SLC9A9: variants seen among roughly 807,000 people sequenced by gnomAD.
SLC9A9 encodes sodium/hydrogen exchanger 9.
In SLC9A9, 62 loss-of-function variants were observed where a neutral mutation model predicts 77.8. The ratio of observed to expected loss-of-function variants is 0.80; its 90% CI spans 0.65 to 0.98. The LOEUF (loss-of-function observed/expected upper bound fraction) is 0.98, where lower values mean the gene tolerates loss of function less well. Among genes scored for constraint, SLC9A9 ranks in the 50% least tolerant of loss-of-function variants. SLC9A9 has a pLI of 0.00. For missense variants in SLC9A9, 775 were observed against 774.9 expected (o/e 1.00, Z 0.00); for synonymous variants, 320 against 283.5 (o/e 1.13, Z -1.29).
At chr3:143,413,170 G>A (rs565182655) in intron 12 of SLC9A9, among the ~76,000 whole-genome samples, 2 of 152,298 alleles carry the variant, frequency 1.3e-5, no homozygotes, top group African/African-American at 4.8e-5. Context: ...TTCATGGAGT[G>A]CCTCCTTCTC....
intron 12 of SLC9A9, among the ~76,000 whole-genome samples, chr3:143,392,252 T>C (rs1278929731): frequency 1.3e-5 from 2 of 152,136 alleles, no homozygotes; most frequent in Non-Finnish European, 2.9e-5. Flanking sequence ...CAGCTGATGT[T>C]TCAGCAGAAA....
chr3:143,841,277 T>A (rs2009699931), intron 1 of SLC9A9, among the ~76,000 whole-genome samples: 1 of 152,168 alleles, frequency 6.6e-6, no homozygotes, highest in Non-Finnish European at 1.5e-5. Context: ...CTGCTAAGGT[T>A]TGAGACCTAG....
At chr3:143,518,193 C>T in intron 9 of SLC9A9, 1 of 1,599,026 alleles carries the variant, frequency 6.3e-7, no homozygotes, top group Non-Finnish European at 8.5e-7. Context: ...CACATTTTCA[C>T]AAAGGCCCGA....
intron 9 of SLC9A9, among the ~76,000 whole-genome samples, chr3:143,528,354 G>A (rs995353576): frequency 1.3e-5 from 2 of 152,202 alleles, no homozygotes; most frequent in African/African-American, 2.4e-5. Context: ...TCAGTTGTCT[G>A]TACATGATAG....
intron 8 of SLC9A9, among the ~76,000 whole-genome samples, chr3:143,557,084 T>G (rs1463845044): frequency 6.6e-6 from 1 of 152,104 alleles, no homozygotes; most frequent in Non-Finnish European, 1.5e-5. Flanking sequence ...AGGAACCCAG[T>G]GGGAAGTGAT....
At chr3:143,509,064 T>G (rs2036073129) in intron 9 of SLC9A9, among the ~76,000 whole-genome samples, 1 of 152,212 alleles carries the variant, frequency 6.6e-6, no homozygotes, top group Admixed American at 6.5e-5. Context: ...TGAATTCAAT[T>G]TCTGATCTAT....
chr3:143,613,798 AT>A (rs544115568), intron 6 of SLC9A9, among the ~76,000 whole-genome samples: 3 of 151,688 alleles, frequency 2.0e-5, no homozygotes, highest in Admixed American at 6.6e-5. Flanking sequence ...AATAATTATA[AT>A]TTTTTATTCC....
intron 4 of SLC9A9, among the ~76,000 whole-genome samples, chr3:143,748,998 C>A (rs1257142511): frequency 6.6e-5 from 10 of 152,162 alleles, no homozygotes; most frequent in African/African-American, 2.4e-4. Flanking sequence ...CCACCGCGCC[C>A]GGCCTGACCA....
At chr3:143,778,251 A>G (rs2007761862) in intron 4 of SLC9A9, among the ~76,000 whole-genome samples, 1 of 152,132 alleles carries the variant, frequency 6.6e-6, no homozygotes, top group Non-Finnish European at 1.5e-5. Flanking sequence ...TATCAGTAAG[A>G]TTGTACTAAT....
At chr3:143,565,872 G>C (rs916501883) in intron 8 of SLC9A9, among the ~76,000 whole-genome samples, 3 of 152,130 alleles carry the variant, frequency 2.0e-5, no homozygotes, top group Admixed American at 6.6e-5. Context: ...AAACTGGCCA[G>C]ATTTGTTTTG....
At chr3:143,414,655 G>A (rs2034159140) in intron 12 of SLC9A9, among the ~76,000 whole-genome samples, 1 of 152,176 alleles carries the variant, frequency 6.6e-6, no homozygotes, top group Admixed American at 6.5e-5. Flanking sequence ...AAATGTGTGT[G>A]TGTTCTGACT....
chr3:143,522,852 A>G (rs1231808830), intron 9 of SLC9A9, among the ~76,000 whole-genome samples: 1 of 152,198 alleles, frequency 6.6e-6, no homozygotes, highest in East Asian at 1.9e-4. Context: ...AAAAATTCCA[A>G]TAAAACACAC....
chr3:143,795,281 GAAA>G (rs776525691), intron 3 of SLC9A9, among the ~76,000 whole-genome samples: 2 of 72,190 alleles, frequency 2.8e-5, no homozygotes, highest in Non-Finnish European at 5.7e-5. Context: ...TCAAGAAGCA[GAAA>G]AAAAAAAAAA....
At chr3:143,834,774 T>A (rs1018243146) in intron 1 of SLC9A9, among the ~76,000 whole-genome samples, 1 of 152,160 alleles carries the variant, frequency 6.6e-6, no homozygotes, top group Non-Finnish European at 1.5e-5. Flanking sequence ...CTGGCCTCAT[T>A]GTTCGAGAAG....
At chr3:143,762,090 G>T (rs970404424) in intron 4 of SLC9A9, among the ~76,000 whole-genome samples, 3 of 151,908 alleles carry the variant, frequency 2.0e-5, no homozygotes, top group Non-Finnish European at 2.9e-5. Flanking sequence ...CTATTGCAAG[G>T]ACAAAAAACC....
chr3:143,800,529 G>T (rs115044683), intron 2 of SLC9A9, among the ~76,000 whole-genome samples: 2,091 of 152,162 alleles, frequency 0.014, 44 homozygotes, highest in African/African-American at 0.046. Flanking sequence ...TTCCGTTTTT[G>T]ATCTTAAAGA....
intron 6 of SLC9A9, among the ~76,000 whole-genome samples, chr3:143,588,001 C>T (rs1182005856): frequency 1.3e-5 from 2 of 152,130 alleles, no homozygotes; most frequent in African/African-American, 4.8e-5. Context: ...TTCCAGAAGA[C>T]AAGATATAGT....
At chr3:143,749,274 T>C (rs1344284018) in intron 4 of SLC9A9, among the ~76,000 whole-genome samples, 1 of 152,232 alleles carries the variant, frequency 6.6e-6, no homozygotes, top group Non-Finnish European at 1.5e-5. Flanking sequence ...ATACATGATC[T>C]AGATGTTTTC....
chr3:143,769,498 C>T (rs1170895526), intron 4 of SLC9A9, among the ~76,000 whole-genome samples: 5 of 152,104 alleles, frequency 3.3e-5, no homozygotes, highest in Non-Finnish European at 7.4e-5. Flanking sequence ...AAAGCAAAGC[C>T]AGAGGTAAGT....
Sources: allele counts gnomAD v4.1 joint callset (sites outside exome capture counted in the v4.1 genomes callset), GRCh38; gene constraint gnomAD v4.1.1; transcripts MANE v1.5; gene names NCBI Gene and HGNC (gene_info 2026-07-23, HGNC 2026-07-21).